The following RBBP7 variants were observed in gnomAD, a reference collection of about 807,000 sequenced individuals.
RBBP7 encodes RB binding protein 7, chromatin remodeling factor.
Under a neutral mutation model 35.2 loss-of-function variants are expected in RBBP7, and 5 were observed. The ratio of observed to expected loss-of-function variants is 0.14; its 90% confidence interval spans 0.07 to 0.30. RBBP7 has a LOEUF of 0.30. Among genes scored for constraint, RBBP7 ranks in the 10% least tolerant of loss-of-function variants. The pLI, the probability that RBBP7 is intolerant of heterozygous loss-of-function variation, is 1.00. For missense variants in RBBP7, 155 were observed against 327.5 expected (o/e 0.47, Z 4.07); for synonymous variants, 140 against 118.7 (o/e 1.18, Z -1.17).
chrX:16,865,499 T>G (rs1930592600), intron 2 of RBBP7, among the ~76,000 whole-genome samples: 1 of 111,852 alleles, frequency 8.9e-6, no homozygotes, highest in Non-Finnish European at 1.9e-5. Flanking sequence ...ATTTAATTAT[T>G]CCAGTTTTCC....
chrX:16,868,977 C>G (rs1211086254), intron 2 of RBBP7, 99 bp downstream of exon 2: 5 of 928,359 alleles, frequency 5.4e-6, no homozygotes, highest in South Asian at 2.6e-5. Context: ...CATGCAAGGG[C>G]TGATTACATA....
chrX:16,847,147 T>C (rs1930100252), intron 10 of RBBP7: 1 of 100,765 alleles, frequency 9.9e-6, no homozygotes, highest in Non-Finnish European at 2.0e-5. Context: ...AAGAGGTAAA[T>C]AGCTTTTTAA....
chrX:16,844,937 C>T lies in RBBP7; in HGVS notation c.*98G>A. 2.7e-6 allele frequency: 2 copies of T among 728,289 alleles called. No individual in the cohort carries two copies. Among genetic ancestry groups the T allele is most frequent in the Non-Finnish European group, 4.2e-6 (2 of 474,204 alleles). The allele number at this position is 728,289 out of a possible 1,213,427, so 60.0% of individuals were successfully genotyped here. A position where few individuals can be genotyped will look rare whatever the true frequency, so the allele number is the denominator to read the frequency against. ...AGGATAAAGAAGCCATAAGCCACCC[C>T]ACTTACATTTCCTACTATACAATGC... On this transcript the variant is annotated 3_prime_UTR_variant, in exon 12 of 12. Coordinates refer to ENST00000380087, the MANE Select transcript of RBBP7 (RefSeq NM_002893.4).
chrX:16,846,621 C>T (rs1930084248), intron 10 of RBBP7: 1 of 112,034 alleles, frequency 8.9e-6, no homozygotes, highest in Non-Finnish European at 1.9e-5. Flanking sequence ...AAGAGACAAC[C>T]TCGTCGGAAT....
chrX:16,860,660 C>T (rs1002745794), intron 3 of RBBP7, among the ~76,000 whole-genome samples: 1 of 89,375 alleles, frequency 1.1e-5, no homozygotes, highest in African/African-American at 4.4e-5. Context: ...GGTGACAGAG[C>T]GAAACTTCGT....
At chrX:16,869,879 C>G (rs1452243983) in intron 1 of RBBP7, 159 bp downstream of exon 1, 37 of 808,815 alleles carry the variant, frequency 4.6e-5, no homozygotes, top group Admixed American at 7.6e-5. Flanking sequence ...GCGGCGGTCC[C>G]GTCCCGCGCA....
At chrX:16,851,998 C>A (rs1264699051) in intron 9 of RBBP7, 48 bp downstream of exon 9, 7 of 1,072,803 alleles carry the variant, frequency 6.5e-6, no homozygotes, top group Non-Finnish European at 9.0e-6. Context: ...ATGTAACTTG[C>A]CAGATAGGCA....
In RBBP7 at chrX:16,844,989, T is replaced by G; in HGVS notation, c.*46A>C. ...TTTTTGGCGCTTGATAAATCAAGCA[T>G]TCATGTAGCATTACATTCAACAGAA... On this transcript the variant is annotated 3_prime_UTR_variant, in exon 12 of 12. Coordinates refer to ENST00000380087, the MANE Select transcript of RBBP7 (RefSeq NM_002893.4). 1 of 1,119,169 alleles carries G rather than the reference T, an allele frequency of 8.9e-7. No homozygotes were observed. The highest frequency in any genetic ancestry group is 2.2e-5 in the Admixed American group (1 of 45,161). 92.2% of individuals were successfully genotyped at this position (1,119,169 alleles called of 1,213,427 possible).
At chrX:16,862,795 G>A (rs1308776886) in intron 3 of RBBP7, among the ~76,000 whole-genome samples, 160 bp downstream of exon 3, 1 of 112,236 alleles carries the variant, frequency 8.9e-6, no homozygotes, top group Non-Finnish European at 1.9e-5. Context: ...CTGCAATTAC[G>A]ACTAAAATCC....
At chrX:16,869,249 A>C in intron 1 of RBBP7, 29 bp from the exon 2 acceptor site, 3 of 1,197,149 alleles carry the variant, frequency 2.5e-6, no homozygotes, top group Non-Finnish European at 3.4e-6. Context: ...CCACACGATT[A>C]AGTGGCTGAG....
chrX:16,868,080 A>G (rs919710885), intron 2 of RBBP7, among the ~76,000 whole-genome samples: 1 of 111,655 alleles, frequency 9.0e-6, no homozygotes, highest in African/African-American at 3.3e-5. Context: ...CGCAACACCC[A>G]AATTTAAGAT....
At chrX:16,869,835 G>C in intron 1 of RBBP7, 3 of 885,553 alleles carry the variant, frequency 3.4e-6, no homozygotes, top group Non-Finnish European at 4.1e-6. Context: ...CCTCGGCCCC[G>C]CGCCCGGCTC....
At chrX:16,857,272 T>TAA in intron 5 of RBBP7, among the ~76,000 whole-genome samples, 1 of 111,971 alleles carries the variant, frequency 8.9e-6, no homozygotes. Context: ...ACTGTACACT[T>TAA]AAAAAATACT....
intron 6 of RBBP7, 138 bp from the exon 7 acceptor site, chrX:16,853,013 T>C: frequency 3.0e-6 from 3 of 999,995 alleles, no homozygotes; most frequent in Non-Finnish European, 4.1e-6. Context: ...CAGCTGGTGA[T>C]TCAGACCTCG....
Position 16,870,122 on chromosome X carries a change from G to C in RBBP7, c.-69C>G. On this transcript the variant is annotated 5_prime_UTR_variant, in exon 1 of 12. Transcript: ENST00000380087. Reference sequence around the variant, plus strand: ...CTCGTTAGCCAAGAGCAGCCCGACCGCTGGCGCTCCTGCCTTTCCCAAGCG... The same window carrying C: ...CTCGTTAGCCAAGAGCAGCCCGACCCCTGGCGCTCCTGCCTTTCCCAAGCG... 1 of 1,031,369 alleles carries C rather than the reference G, an allele frequency of 9.7e-7. No individual in the cohort carries two copies. The highest frequency in any genetic ancestry group is 4.0e-5 in the East Asian group (1 of 24,772). The allele number at this position is 1,031,369 out of a possible 1,213,427, so 85.0% of individuals were successfully genotyped here. A position where few individuals can be genotyped will look rare whatever the true frequency, so the allele number is the denominator to read the frequency against.
At position 16,845,117 on chromosome X, in the gene RBBP7, A is replaced by C; in HGVS notation, c.1210-14T>G. On this transcript the variant is annotated splice_polypyrimidine_tract_variant and intron_variant, in intron 11 of 11. Transcript: ENST00000380087. ...AATATTTTCAGCCTGGAGATAACCA[A>C]ATAAATTCACAGGTAAAAACTCCCT... 1.3e-5 allele frequency: 15 copies of C among 1,175,242 alleles called. No homozygotes were observed. Among genetic ancestry groups the C allele is most frequent in the Non-Finnish European group, 1.7e-5 (15 of 863,145 alleles).
At position 16,844,778 on chromosome X, in the gene RBBP7, G is replaced by C. The variant is rs1930028684; in HGVS notation, c.*257C>G. ...GAGAAAATGAGGACTTAAAACAGTT[G>C]AATCAAAGGCAATACCCTGCTACTT... On this transcript the variant is annotated 3_prime_UTR_variant, in exon 12 of 12. Coordinates refer to ENST00000380087, the MANE Select transcript of RBBP7 (RefSeq NM_002893.4). 3.8e-6 allele frequency: 1 copy of C among 260,026 alleles called. No individual in the cohort carries two copies. The highest frequency in any genetic ancestry group is 6.8e-6 in the Non-Finnish European group (1 of 147,521). The allele number at this position is 260,026 out of a possible 1,213,427, so 21.4% of individuals were successfully genotyped here. A position where few individuals can be genotyped will look rare whatever the true frequency, so the allele number is the denominator to read the frequency against.
At position 16,853,744 on chromosome X, in the gene RBBP7, C is replaced by T; in HGVS notation, c.696G>A (p.Val232=). The change falls in exon 6 of 12, where the codon GTG becomes GTA. Residue 232 remains valine, a synonymous_variant. Coordinates refer to ENST00000380087, the MANE Select transcript of RBBP7 (RefSeq NM_002893.4). ...FTGHSAVVED[V]AWHLLHESLF... is the part of the protein sequence containing the mutation. ...ATGACTCGTGCAGCAGGTGCCAGGC[C>T]ACATCCTCTACAACAGCTGAGTGGC... The T allele has an allele frequency of 8.4e-7, 1 of 1,192,591 alleles. No individual in the cohort carries two copies. The highest frequency in any genetic ancestry group is 1.1e-6 in the Non-Finnish European group (1 of 887,464).
Position 16,869,069 on chromosome X carries a change from C to T in RBBP7, c.161+7G>A. ...TAAACAAAATAAAAGTTGCCAGAAACCCTTACTTAGTCACTTCAGGAAGCC... is the reference window on the plus strand; with the variant it reads ...TAAACAAAATAAAAGTTGCCAGAAATCCTTACTTAGTCACTTCAGGAAGCC... On this transcript the variant is annotated splice_region_variant and intron_variant, in intron 2 of 11. Coordinates refer to ENST00000380087, the MANE Select transcript of RBBP7 (RefSeq NM_002893.4). 8.4e-7 allele frequency: 1 copy of T among 1,193,151 alleles called. No homozygotes were observed. Among genetic ancestry groups the T allele is most frequent in the South Asian group, 1.9e-5 (1 of 53,778 alleles).
Sources: gnomAD v4.1 joint callset for allele counts (sites outside exome capture counted in the v4.1 genomes callset) on GRCh38, gnomAD v4.1.1 for gene constraint, MANE v1.5 for transcripts, NCBI Gene and HGNC (gene_info 2026-07-23, HGNC 2026-07-21) for gene names.